Variants in SMYD2 observed in about 807,000 individuals in gnomAD.
The protein encoded by SMYD2 is N-lysine methyltransferase SMYD2.
In SMYD2, 53 loss-of-function variants were observed where a neutral mutation model predicts 59.1. The ratio of observed to expected loss-of-function variants is 0.90; its 90% confidence interval spans 0.72 to 1.13. The LOEUF (loss-of-function observed/expected upper bound fraction) is 1.13, where lower values mean the gene tolerates loss of function less well. SMYD2 is among the 50% of genes most tolerant of loss of function. SMYD2 has a pLI of 0.00. For synonymous variants in SMYD2, 208 were observed against 198.8 expected, an observed-to-expected ratio of 1.05 and a Z score of -0.39; for missense variants, 494 against 544.7, an observed-to-expected ratio of 0.91 and a Z score of 0.93.
At chr1:214,329,741 G>A (rs1322830803) in intron 7 of SMYD2, among the ~76,000 whole-genome samples, 2 of 152,116 alleles carry the variant, frequency 1.3e-5, no homozygotes, top group South Asian at 2.1e-4. Flanking sequence ...TGGTGTGTGC[G>A]TGCTCATGCC....
intron 1 of SMYD2, among the ~76,000 whole-genome samples, chr1:214,295,226 A>G (rs1365393626): frequency 6.6e-6 from 1 of 152,168 alleles, no homozygotes; most frequent in African/African-American, 2.4e-5. Flanking sequence ...AAAACATGAG[A>G]TTTTAAAAGT....
chr1:214,312,966 G>C lies in SMYD2; in HGVS notation c.238-1796G>C, dbSNP rs1657021749. Among the ~76,000 whole-genome samples, 1 of 152,202 alleles carries C rather than the reference G, an allele frequency of 6.6e-6. No individual in the cohort carries two copies. The highest frequency in any genetic ancestry group is 1.5e-5 in the Non-Finnish European group (1 of 68,030). On this transcript the variant is annotated intron_variant, in intron 2 of 11. Transcript: ENST00000366957. The surrounding 1 kb of genome is among the most constrained non-coding windows in gnomAD (Gnocchi z 4.1). ...AAGGCAGTGGCAGGACATTAGTCAT[G>C]AGAGATGTTGGGGCTGCAGCCGGGT...
At chr1:214,283,703 G>A (rs1318725072) in intron 1 of SMYD2, among the ~76,000 whole-genome samples, 6 of 152,144 alleles carry the variant, frequency 3.9e-5, no homozygotes, top group Non-Finnish European at 5.9e-5. Context: ...GGGCCTCAAA[G>A]TATAGGAGTA....
chr1:214,313,599 C>T (rs1657034006), intron 2 of SMYD2, among the ~76,000 whole-genome samples: 1 of 151,786 alleles, frequency 6.6e-6, no homozygotes. Context: ...CCTGTCATTT[C>T]TTACCCCATC....
intron 5 of SMYD2, among the ~76,000 whole-genome samples, chr1:214,320,538 A>T (rs945190718): frequency 2.6e-5 from 4 of 152,194 alleles, no homozygotes; most frequent in African/African-American, 7.2e-5. Flanking sequence ...AGGTAGGAGG[A>T]TCACTTGAGC....
intron 1 of SMYD2, among the ~76,000 whole-genome samples, chr1:214,297,720 C>T (rs1270796779): frequency 2.0e-5 from 3 of 152,206 alleles, no homozygotes; most frequent in Non-Finnish European, 4.4e-5. Flanking sequence ...TCATCCCCGC[C>T]TCCACCCCAC....
intron 1 of SMYD2, among the ~76,000 whole-genome samples, chr1:214,287,062 C>G (rs1014395261): frequency 1.3e-5 from 2 of 151,904 alleles, no homozygotes; most frequent in African/African-American, 4.8e-5. Context: ...CTCCTGACCT[C>G]AGGTGATCCA....
chr1:214,336,824 C>A lies in SMYD2; in HGVS notation c.*40C>A. On this transcript the variant is annotated 3_prime_UTR_variant, in exon 12 of 12. Transcript: ENST00000366957. ...TCAGTTTTCATTTAAACACTTAGTT[C>A]AGAAACCTTAAAGGATTTGAATATT... 1 of 1,546,092 alleles carries A rather than the reference C, an allele frequency of 6.5e-7. No homozygotes were observed. Among genetic ancestry groups the A allele is most frequent in the South Asian group, 1.1e-5 (1 of 88,378 alleles).
At chr1:214,311,039 T>C (rs1241396755) in intron 2 of SMYD2, among the ~76,000 whole-genome samples, 2 of 152,240 alleles carry the variant, frequency 1.3e-5, no homozygotes, top group African/African-American at 4.8e-5. Flanking sequence ...AAATTTAACC[T>C]GATTCTGCAT....
intron 5 of SMYD2, among the ~76,000 whole-genome samples, chr1:214,322,212 G>A (rs1005568132): frequency 3.3e-5 from 5 of 152,212 alleles, no homozygotes; most frequent in Non-Finnish European, 7.3e-5. Flanking sequence ...CTGCTGAGGC[G>A]TGGTAGTACT....
chr1:214,325,796 T>A (rs868007382), intron 6 of SMYD2, among the ~76,000 whole-genome samples: 16 of 138,372 alleles, frequency 1.2e-4, no homozygotes, highest in African/African-American at 2.6e-4. Context: ...TTTTTTTTTT[T>A]AACTTTGGCC....
chr1:214,310,097 G>A (rs1656975639), intron 2 of SMYD2, among the ~76,000 whole-genome samples: 1 of 152,206 alleles, frequency 6.6e-6, no homozygotes, highest in South Asian at 2.1e-4. Context: ...TGAAAATCCA[G>A]TCTCCTTATC....
Position 214,327,669 on chromosome 1 carries a change from A to G in SMYD2, c.650A>G (p.Tyr217Cys), listed in dbSNP as rs1489727899. 1.2e-6 allele frequency: 2 copies of G among 1,614,216 alleles called. No homozygotes were observed. Among genetic ancestry groups the G allele is most frequent in the Non-Finnish European group, 1.7e-6 (2 of 1,180,016 alleles). Reference sequence around the variant, plus strand: ...TGTTGCCCCAATGTCATTGTGACCTACAAAGGGACCCTGGCAGAAGTCAGA... The same window carrying G: ...TGTTGCCCCAATGTCATTGTGACCTGCAAAGGGACCCTGGCAGAAGTCAGA... The part of the protein sequence containing the change: ...HSCCPNVIVT[Y>C]KGTLAEVRAV... Residue 217 changes from tyrosine to cysteine, a missense_variant, in exon 7 of 12, where the codon TAC becomes TGC. Physicochemically the swap from Tyr to Cys is radical, Grantham distance 194. Coordinates refer to ENST00000366957, the MANE Select transcript of SMYD2 (RefSeq NM_020197.3).
At chr1:214,314,005 C>T (rs1368921791) in intron 2 of SMYD2, among the ~76,000 whole-genome samples, 6 of 152,168 alleles carry the variant, frequency 3.9e-5, no homozygotes, top group African/African-American at 9.6e-5. Context: ...CTTGAAACCC[C>T]GTCTCTACTA....
intron 2 of SMYD2, among the ~76,000 whole-genome samples, 180 bp from the exon 3 acceptor site, chr1:214,314,578 TCATA>T (rs1048378368): frequency 1.3e-5 from 2 of 152,140 alleles, no homozygotes; most frequent in Admixed American, 6.5e-5. Flanking sequence ...TGAGTGAAGG[TCATA>T]CAATCCTGCC....
intron 5 of SMYD2, among the ~76,000 whole-genome samples, chr1:214,321,640 A>G (rs1163002148): frequency 6.6e-6 from 1 of 152,226 alleles, no homozygotes; most frequent in Non-Finnish European, 1.5e-5. Context: ...GTGACCACAC[A>G]TCTTTGACAG....
chr1:214,323,161 T>A (rs760068860), intron 5 of SMYD2, among the ~76,000 whole-genome samples: 42 of 152,210 alleles, frequency 2.8e-4, no homozygotes, highest in Admixed American at 7.2e-4. Context: ...TTTCTTCCAG[T>A]GCTGAAATTT....
rs916538829 is a variant in SMYD2 at position 214,312,034 on chromosome 1, C to T, written c.238-2728C>T. On this transcript the variant is annotated intron_variant, in intron 2 of 11. Transcript: ENST00000366957. The surrounding 1 kb of genome is among the most constrained non-coding windows in gnomAD (Gnocchi z 4.1). ...TGATTAGTCTGCAGGGAGACAGACCCACCTGTTCCCACCTCTTCGCCTCAT... is the reference window on the plus strand; with the variant it reads ...TGATTAGTCTGCAGGGAGACAGACCTACCTGTTCCCACCTCTTCGCCTCAT... Among the ~76,000 whole-genome samples the T allele has an allele frequency of 6.6e-6, 1 of 152,206 alleles. No individual in the cohort carries two copies. The highest frequency in any genetic ancestry group is 1.5e-5 in the Non-Finnish European group (1 of 68,026).
At chr1:214,335,282 C>G (rs951882125) in intron 11 of SMYD2, among the ~76,000 whole-genome samples, 3 of 152,186 alleles carry the variant, frequency 2.0e-5, no homozygotes, top group African/African-American at 7.2e-5. Context: ...GAGCACAGAA[C>G]AAAATTTTCT....
Sources: gnomAD v4.1 joint callset for allele counts (sites outside exome capture counted in the v4.1 genomes callset) on GRCh38, gnomAD v4.1.1 for gene constraint, Gnocchi (gnomAD v3.1) non-coding constraint, MANE v1.5 for transcripts, NCBI Gene and HGNC (gene_info 2026-07-23, HGNC 2026-07-21) for gene names.